The following ZBTB20 variants were observed in gnomAD, a reference collection of about 807,000 sequenced individuals.
ZBTB20 encodes the protein zinc finger and BTB domain-containing protein 20.
ZBTB20 carries 9 observed loss-of-function variants against 56.9 expected under a neutral mutation model. That is an observed-to-expected ratio of 0.16 (90% CI 0.10 to 0.28). ZBTB20 has a LOEUF of 0.28. ZBTB20 is among the 10% of genes least tolerant of loss of function. The pLI is 1.00. For synonymous variants in ZBTB20, 417 were observed against 420.7 expected, an observed-to-expected ratio of 0.99 and a Z score of 0.11; for missense variants, 655 against 1,003.0, an observed-to-expected ratio of 0.65 and a Z score of 4.69.
intron 6 of ZBTB20, among the ~76,000 whole-genome samples, chr3:114,566,026 G>A (rs1057113347): frequency 6.3e-4 from 79 of 126,136 alleles, no homozygotes; most frequent in Non-Finnish European, 8.4e-4. Context: ...TTTTTTAAAA[G>A]AAACCAATCC....
Position 114,777,954 on chromosome 3 carries a change from A to C in ZBTB20, c.-343+23147T>G, listed in dbSNP as rs1261836981. Among the ~76,000 whole-genome samples the C allele has an allele frequency of 2.0e-5, 3 of 151,866 alleles. No individual in the cohort carries two copies. The East Asian group carries it at 5.8e-4, about 29-fold the overall frequency. ...GTTCATGTCCTTTGTAGGGACATGG[A>C]TGAAGCTGGAAACCATCATTCTCAG... On this transcript the variant is annotated intron_variant, in intron 5 of 11. Coordinates refer to ENST00000675478, the MANE Select transcript of ZBTB20 (RefSeq NM_001348800.3).
chr3:114,827,382 C>G (rs146285611), intron 4 of ZBTB20, among the ~76,000 whole-genome samples: 2 of 151,716 alleles, frequency 1.3e-5, no homozygotes, highest in African/African-American at 4.8e-5. Context: ...AAGGCCGGGA[C>G]AAAGGTACTA....
intron 2 of ZBTB20, among the ~76,000 whole-genome samples, chr3:115,059,488 T>C (rs968480831): frequency 1.3e-5 from 2 of 152,170 alleles, no homozygotes; most frequent in Non-Finnish European, 2.9e-5. Flanking sequence ...ACACTTCCAA[T>C]CCGCGAAAGC....
At chr3:114,767,366 G>A (rs1420651281) in intron 5 of ZBTB20, among the ~76,000 whole-genome samples, 1 of 151,938 alleles carries the variant, frequency 6.6e-6, no homozygotes, top group Non-Finnish European at 1.5e-5. Context: ...CTGGGATGGT[G>A]ATAAAATGAA....
intron 1 of ZBTB20, among the ~76,000 whole-genome samples, chr3:115,111,200 C>T (rs1180639441): frequency 6.6e-6 from 1 of 151,964 alleles, no homozygotes; most frequent in Non-Finnish European, 1.5e-5. Flanking sequence ...ACAAATAATA[C>T]TCCCAACATC....
chr3:114,807,340 T>C (rs1464757924), intron 4 of ZBTB20, among the ~76,000 whole-genome samples: 1 of 152,034 alleles, frequency 6.6e-6, no homozygotes, highest in Non-Finnish European at 1.5e-5. Context: ...TGCCGGCAAA[T>C]AAATAGTTTT....
intron 3 of ZBTB20, among the ~76,000 whole-genome samples, chr3:114,923,765 A>G (rs1221976423): frequency 6.6e-6 from 1 of 152,182 alleles, no homozygotes; most frequent in Non-Finnish European, 1.5e-5. Context: ...GGAAACAAAA[A>G]CTGAGAAGGC....
chr3:115,032,459 G>A (rs1304797940), intron 2 of ZBTB20, among the ~76,000 whole-genome samples: 1 of 151,340 alleles, frequency 6.6e-6, no homozygotes, highest in Non-Finnish European at 1.5e-5. Context: ...TATTTTCTGG[G>A]AAGAGAAATG....
chr3:114,549,726 TCA>T (rs1457454451), intron 6 of ZBTB20, among the ~76,000 whole-genome samples: 1 of 151,842 alleles, frequency 6.6e-6, no homozygotes, highest in Admixed American at 6.6e-5. Context: ...AGAGTTGATT[TCA>T]CAGAGTTACA....
intron 5 of ZBTB20, among the ~76,000 whole-genome samples, chr3:114,722,760 G>T (rs1012715290): frequency 6.6e-6 from 1 of 152,054 alleles, no homozygotes; most frequent in Non-Finnish European, 1.5e-5. Context: ...ATGACATACC[G>T]ATGAAAACAA....
chr3:114,351,343 C>G lies in ZBTB20; in HGVS notation c.735G>C (p.Ser245=), dbSNP rs148117897. 7.1e-4 allele frequency: 1,136 copies of G among 1,609,142 alleles called. 9 individuals carry two copies. The African/African-American group carries it at 0.014, about 19-fold the overall frequency. The change falls in exon 11 of 12, where the codon TCG becomes TCC. Residue 245 remains serine, a synonymous_variant. Transcript: ENST00000675478. ...TCTGCATGGAGCACGCGTAGAGTGCCGAGTAGATCCTGTCCACGCTGTGCT... is the reference window on the plus strand; with the variant it reads ...TCTGCATGGAGCACGCGTAGAGTGCGGAGTAGATCCTGTCCACGCTGTGCT... The part of the protein sequence containing the change: ...HPQHSVDRIY[S]ALYACSMQNG...
chr3:114,772,786 C>G (rs1374348179), intron 5 of ZBTB20, among the ~76,000 whole-genome samples: 1 of 151,950 alleles, frequency 6.6e-6, no homozygotes, highest in Non-Finnish European at 1.5e-5. Flanking sequence ...CCCAAAATGC[C>G]CACTGCCTAA....
chr3:115,131,604 A>C (rs2084507787), intron 1 of ZBTB20, among the ~76,000 whole-genome samples: 1 of 152,210 alleles, frequency 6.6e-6, no homozygotes, highest in Non-Finnish European at 1.5e-5. Flanking sequence ...AAATATTGCT[A>C]CCTATATTTC....
chr3:114,728,073 C>G (rs2065437742), intron 5 of ZBTB20, among the ~76,000 whole-genome samples: 1 of 152,088 alleles, frequency 6.6e-6, no homozygotes, highest in Non-Finnish European at 1.5e-5. Flanking sequence ...TGTTAAATAT[C>G]TTCATTGTAC....
rs947888150 is a variant in ZBTB20 at position 114,314,798 on chromosome 3, A to G, written c.*24207T>C. The G allele has an allele frequency of 6.6e-6, 1 of 152,000 alleles. No homozygotes were observed. Among genetic ancestry groups the G allele is most frequent in the African/African-American group, 2.4e-5 (1 of 41,414 alleles). The allele number at this position is 152,000 out of a possible 1,614,324, so 9.4% of individuals were successfully genotyped here. A position where few individuals can be genotyped will look rare whatever the true frequency, so the allele number is the denominator to read the frequency against. ...AAAATGTCACAATAATAATAATAAT[A>G]TAATAGTATAATGAAGCGCTACAGT... is the stretch of plus-strand genomic sequence containing the variant. On this transcript the variant is annotated 3_prime_UTR_variant, in exon 12 of 12. Coordinates refer to ENST00000675478, the MANE Select transcript of ZBTB20 (RefSeq NM_001348800.3).
intron 5 of ZBTB20, among the ~76,000 whole-genome samples, chr3:114,709,096 C>T (rs943618850): frequency 1.3e-5 from 2 of 152,036 alleles, no homozygotes; most frequent in African/African-American, 4.8e-5. Context: ...ACCAATTAAA[C>T]AAATAAAAAA....
rs192380483 is a variant in ZBTB20, at chr3:114,988,927, C to T, written c.-506-14511G>A. 3.2e-3 allele frequency among the ~76,000 whole-genome samples: 480 copies of T among 152,200 alleles called. 2 individuals carry two copies. The highest frequency in any genetic ancestry group is 0.011 in the African/African-American group (450 of 41,542). ...TTGAGAAGTGTCTGTTCACATCCTT[C>T]GCCCAGTTTTTGATGGAGTTGTTTG... On this transcript the variant is annotated intron_variant, in intron 2 of 11. Coordinates refer to ENST00000675478, the MANE Select transcript of ZBTB20 (RefSeq NM_001348800.3).
chr3:114,453,835 T>C lies in ZBTB20; in HGVS notation c.-255+46517A>G, dbSNP rs1004831534. ...TCTTTTGAATGTCTTTGTGTCTTTA[T>C]AGAGTGAATGTTCTGTTCCTGTCTC... is the stretch of plus-strand genomic sequence containing the variant. On this transcript the variant is annotated intron_variant, in intron 7 of 11. Transcript: ENST00000675478. 2.0e-5 allele frequency among the ~76,000 whole-genome samples: 3 copies of C among 151,732 alleles called. No individual in the cohort carries two copies. In the East Asian group the frequency reaches 5.8e-4, roughly 29 times the overall value.
At chr3:114,411,213 C>T (rs888636884) in intron 7 of ZBTB20, among the ~76,000 whole-genome samples, 4 of 152,104 alleles carry the variant, frequency 2.6e-5, no homozygotes, top group Non-Finnish European at 5.9e-5. Context: ...CACCTCCTTC[C>T]CCACACCCTT....
Sources: gnomAD v4.1 joint callset for allele counts (sites outside exome capture counted in the v4.1 genomes callset) on GRCh38, gnomAD v4.1.1 for gene constraint, MANE v1.5 for transcripts, NCBI Gene and HGNC (gene_info 2026-07-23, HGNC 2026-07-21) for gene names.